Variants in SH3RF1 observed in about 807,000 individuals in gnomAD.
SH3RF1 encodes SH3 domain containing ring finger 1, also known as E3 ubiquitin-protein ligase SH3RF1.
SH3RF1 carries 32 observed loss-of-function variants against 74.0 expected under a neutral mutation model. The observed-to-expected ratio is 0.43, with a 90% CI of 0.33 to 0.58. The LOEUF (loss-of-function observed/expected upper bound fraction) is 0.58. SH3RF1 is among the 20% of genes least tolerant of loss of function. The probability of loss-of-function intolerance (pLI) is 0.05; values close to 1 mark genes in which losing one functional copy is unlikely to be tolerated. For missense variants in SH3RF1, 954 were observed against 1,130.9 expected (o/e 0.84, Z 2.24); for synonymous variants, 396 against 439.6 (o/e 0.90, Z 1.24).
chr4:169,142,074 T>A (rs1171023673), intron 4 of SH3RF1, among the ~76,000 whole-genome samples: 1 of 152,106 alleles, frequency 6.6e-6, no homozygotes, highest in African/African-American at 2.4e-5. Context: ...TGCCTCGGCC[T>A]CCCAAAGTGC....
chr4:169,238,586 A>G (rs1730854659), intron 2 of SH3RF1, among the ~76,000 whole-genome samples: 1 of 152,242 alleles, frequency 6.6e-6, no homozygotes, highest in Non-Finnish European at 1.5e-5. Context: ...TGAAGTTGAC[A>G]GCAATAAGGT....
chr4:169,141,436 T>A (rs1391367449), intron 4 of SH3RF1, among the ~76,000 whole-genome samples: 1 of 152,208 alleles, frequency 6.6e-6, no homozygotes, highest in African/African-American at 2.4e-5. Flanking sequence ...GGTAAACTCC[T>A]AAAAGTAGAA....
chr4:169,125,333 G>A (rs572456633), intron 6 of SH3RF1, among the ~76,000 whole-genome samples: 1 of 152,330 alleles, frequency 6.6e-6, no homozygotes, highest in South Asian at 2.1e-4. Context: ...ACACTGGCAG[G>A]TGACAATGCT....
At chr4:169,207,010 G>C (rs1219626863) in intron 2 of SH3RF1, among the ~76,000 whole-genome samples, 2 of 151,922 alleles carry the variant, frequency 1.3e-5, no homozygotes, top group African/African-American at 4.8e-5. Flanking sequence ...CCAGGCTGGA[G>C]TGCAATAGCA....
chr4:169,108,120 C>G (rs1733177885), intron 10 of SH3RF1, among the ~76,000 whole-genome samples: 1 of 152,188 alleles, frequency 6.6e-6, no homozygotes, highest in Admixed American at 6.5e-5. Context: ...TTTCTGATGA[C>G]CAAGCTTAAC....
intron 2 of SH3RF1, among the ~76,000 whole-genome samples, chr4:169,163,493 G>GAAAA (rs1295587440): frequency 1.3e-5 from 2 of 152,186 alleles, no homozygotes; most frequent in East Asian, 3.9e-4. Flanking sequence ...TTAGGAGGCA[G>GAAAA]AAAAAAGAGA....
chr4:169,162,084 T>G (rs1323023089), intron 2 of SH3RF1, among the ~76,000 whole-genome samples: 1 of 151,942 alleles, frequency 6.6e-6, no homozygotes, highest in Non-Finnish European at 1.5e-5. Context: ...GCTGAGGCAG[T>G]AGGCAGAGGT....
chr4:169,115,256 CTGGGCCATGGACCAG>C (rs1204262908), intron 10 of SH3RF1, among the ~76,000 whole-genome samples: 1 of 152,166 alleles, frequency 6.6e-6, no homozygotes, highest in Non-Finnish European at 1.5e-5. Flanking sequence ...GTCAGATGTA[CTGGGCCATGGACCAG>C]TACTAGCCTG....
At chr4:169,129,040 G>A (rs1159659266) in intron 6 of SH3RF1, among the ~76,000 whole-genome samples, 1 of 152,140 alleles carries the variant, frequency 6.6e-6, no homozygotes, top group African/African-American at 2.4e-5. Context: ...ACAAATAAAT[G>A]GCAGAGCTGG....
intron 2 of SH3RF1, among the ~76,000 whole-genome samples, chr4:169,242,978 T>C (rs1730937327): frequency 1.3e-5 from 2 of 152,342 alleles, no homozygotes; most frequent in African/African-American, 4.8e-5. Flanking sequence ...TAGGTGTTTC[T>C]AATGCAGGTG....
intron 4 of SH3RF1, among the ~76,000 whole-genome samples, chr4:169,148,306 C>T (rs1373705738): frequency 6.6e-6 from 1 of 152,086 alleles, no homozygotes; most frequent in Admixed American, 6.6e-5. Flanking sequence ...CTCTGTGTCC[C>T]CCTGAGCAAG....
At chr4:169,105,591 A>G (rs894060675) in intron 11 of SH3RF1, among the ~76,000 whole-genome samples, 3 of 152,248 alleles carry the variant, frequency 2.0e-5, no homozygotes, top group Non-Finnish European at 2.9e-5. Context: ...CTTCTGGCTC[A>G]GGAAGAAGAA....
chr4:169,239,458 G>A (rs1730870651), intron 2 of SH3RF1, among the ~76,000 whole-genome samples: 1 of 152,134 alleles, frequency 6.6e-6, no homozygotes, highest in Non-Finnish European at 1.5e-5. Flanking sequence ...GCTGACCTTG[G>A]AACTAGTCAC....
chr4:169,101,322 C>T (rs1416431074), intron 11 of SH3RF1, among the ~76,000 whole-genome samples: 1 of 152,108 alleles, frequency 6.6e-6, no homozygotes, highest in Non-Finnish European at 1.5e-5. Flanking sequence ...CAGGGATGAA[C>T]CTTGCAAACG....
intron 2 of SH3RF1, among the ~76,000 whole-genome samples, chr4:169,195,404 A>G (rs899782721): frequency 6.6e-6 from 1 of 151,964 alleles, no homozygotes; most frequent in African/African-American, 2.4e-5. Flanking sequence ...TCTAGGTATG[A>G]GTTTCTTTTT....
intron 6 of SH3RF1, among the ~76,000 whole-genome samples, chr4:169,125,276 G>A (rs1733506723): frequency 1.3e-5 from 2 of 152,176 alleles, no homozygotes; most frequent in Non-Finnish European, 1.5e-5. Context: ...GCTAGAGTGA[G>A]CACCCAGGGA....
rs1733425044 is a variant in SH3RF1 at position 169,120,853 on chromosome 4, C to T, written c.1483G>A (p.Val495Ile). The change falls in exon 8 of 12, where the codon GTT becomes ATT. Residue 495 changes from valine to isoleucine, a missense_variant. Around this residue, in one of 3 missense-constraint regions of SH3RF1, gnomAD observed 854 missense variants for 962.5 expected, o/e 0.89. Transcript: ENST00000284637. Reference protein sequence around the residue: ...GTSMHTSKIGVFPGNYVAPVT... With the variant: ...GTSMHTSKIGIFPGNYVAPVT... ...GGTGCCACATAATTGCCAGGGAAAA[C>T]CCCTATCTTGCTGGTATGCATGGAT... is the stretch of plus-strand genomic sequence containing the variant. 6.2e-7 allele frequency: 1 copy of T among 1,614,006 alleles called. No individual in the cohort carries two copies. Among genetic ancestry groups the T allele is most frequent in the African/African-American group, 1.3e-5 (1 of 74,914 alleles).
intron 2 of SH3RF1, among the ~76,000 whole-genome samples, chr4:169,258,897 T>C (rs1731231203): frequency 6.6e-6 from 1 of 152,218 alleles, no homozygotes. Flanking sequence ...ACATATCTAA[T>C]GTTCAGCTTT....
intron 5 of SH3RF1, among the ~76,000 whole-genome samples, chr4:169,135,220 G>A (rs1733682060): frequency 6.6e-6 from 1 of 151,780 alleles, no homozygotes; most frequent in African/African-American, 2.4e-5. Flanking sequence ...AAATGGCAAG[G>A]GATATCAAAA....
Sources: allele counts gnomAD v4.1 joint callset (sites outside exome capture counted in the v4.1 genomes callset), GRCh38; gene constraint gnomAD v4.1.1; regional missense constraint gnomAD v4.1.1; transcripts MANE v1.5; gene names NCBI Gene and HGNC (gene_info 2026-07-23, HGNC 2026-07-21).